Variants in GLI3 observed in about 807,000 individuals in gnomAD.
GLI3 encodes the protein transcription activator GLI3.
In GLI3, 20 loss-of-function variants were observed where a neutral mutation model predicts 100.8. That is an observed-to-expected ratio of 0.20 (90% CI 0.14 to 0.29). The LOEUF is 0.29. Among genes scored for constraint, GLI3 ranks in the 10% least tolerant of loss-of-function variants. The pLI is 1.00. For missense variants in GLI3, 2,040 were observed against 2,128.5 expected, an observed-to-expected ratio of 0.96 and a Z score of 0.82; for synonymous variants, 938 against 860.5, an observed-to-expected ratio of 1.09 and a Z score of -1.58.
intron 1 of GLI3, among the ~76,000 whole-genome samples, chr7:42,259,896 A>G (rs1789121991): frequency 6.6e-6 from 1 of 152,184 alleles, no homozygotes; most frequent in Admixed American, 6.5e-5. Flanking sequence ...TCTTCTACTC[A>G]TTGCATTGTT....
intron 1 of GLI3, among the ~76,000 whole-genome samples, chr7:42,253,910 GA>G (rs1392630896): frequency 6.6e-6 from 1 of 152,142 alleles, no homozygotes; most frequent in Non-Finnish European, 1.5e-5. Flanking sequence ...GCGAGTCACT[GA>G]AATGTAGTTG....
intron 3 of GLI3, among the ~76,000 whole-genome samples, chr7:42,077,370 C>CTTTTT (rs1554323165): frequency 2.3e-4 from 25 of 110,268 alleles, no homozygotes; most frequent in African/African-American, 7.8e-4. Context: ...GCATGTGCTT[C>CTTTTT]TTTTTTTTTT....
At chr7:42,004,314 T>C (rs1158441437) in intron 10 of GLI3, among the ~76,000 whole-genome samples, 2 of 152,214 alleles carry the variant, frequency 1.3e-5, no homozygotes, top group African/African-American at 4.8e-5. Context: ...ATATTTTAGA[T>C]AAATATGTAT....
chr7:42,197,084 C>T (rs1298197931), intron 2 of GLI3, among the ~76,000 whole-genome samples: 1 of 152,194 alleles, frequency 6.6e-6, no homozygotes, highest in Non-Finnish European at 1.5e-5. Context: ...GCCCCTGATA[C>T]TTAGGGCAGG....
chr7:42,123,222 T>C (rs1786044844), intron 3 of GLI3, among the ~76,000 whole-genome samples: 1 of 152,188 alleles, frequency 6.6e-6, no homozygotes, highest in Non-Finnish European at 1.5e-5. Flanking sequence ...TATTTTCACA[T>C]TTCCGGAGAG....
intron 3 of GLI3, among the ~76,000 whole-genome samples, chr7:42,112,714 G>A (rs980451980): frequency 3.3e-5 from 5 of 152,068 alleles, no homozygotes; most frequent in African/African-American, 1.2e-4. Flanking sequence ...GACATTTACT[G>A]AATGTCAGAA....
At position 42,023,620 on chromosome 7, in the gene GLI3, G is replaced by C; in HGVS notation, c.1357-12C>G. On this transcript the variant is annotated splice_polypyrimidine_tract_variant and intron_variant, in intron 9 of 14. Coordinates refer to ENST00000395925, the MANE Select transcript of GLI3 (RefSeq NM_000168.6). ...CCTTCGGGCTGTTCCTGAAAGAAGAGGGTGGGGGGCAGGGAACAGAGAAGG... is the reference window on the plus strand; with the variant it reads ...CCTTCGGGCTGTTCCTGAAAGAAGACGGTGGGGGGCAGGGAACAGAGAAGG... 1.9e-6 allele frequency: 3 copies of C among 1,603,780 alleles called. No individual in the cohort carries two copies. Among genetic ancestry groups the C allele is most frequent in the Non-Finnish European group, 2.6e-6 (3 of 1,170,644 alleles).
chr7:41,976,157 T>A (rs2128711636), intron 12 of GLI3, among the ~76,000 whole-genome samples: 1 of 152,308 alleles, frequency 6.6e-6, no homozygotes, highest in Non-Finnish European at 1.5e-5. Flanking sequence ...TATGTATCTA[T>A]CTATTCTAGA....
chr7:42,051,634 T>C (rs1784354797), intron 4 of GLI3, among the ~76,000 whole-genome samples: 1 of 152,168 alleles, frequency 6.6e-6, no homozygotes, highest in Admixed American at 6.5e-5. Flanking sequence ...TGCAACATAC[T>C]GTGTGATTTC....
At chr7:42,000,114 C>T (rs1393027509) in intron 10 of GLI3, among the ~76,000 whole-genome samples, 2 of 152,196 alleles carry the variant, frequency 1.3e-5, no homozygotes, top group South Asian at 2.1e-4. Context: ...ACACAGGAAG[C>T]ACGGCGGGAA....
chr7:42,251,384 G>A (rs750412013), intron 1 of GLI3, among the ~76,000 whole-genome samples: 6 of 152,208 alleles, frequency 3.9e-5, no homozygotes. Flanking sequence ...ATCTAATGCT[G>A]CTGCTGATCT....
intron 4 of GLI3, among the ~76,000 whole-genome samples, chr7:42,058,259 A>G (rs1252929762): frequency 6.6e-6 from 1 of 152,158 alleles, no homozygotes; most frequent in Non-Finnish European, 1.5e-5. Context: ...GTGGGTGGAG[A>G]GTATGGAAGA....
rs1283520514 is a variant in GLI3 at position 42,129,057 on chromosome 7, G to A, written c.367+19169C>T. 2.0e-5 allele frequency among the ~76,000 whole-genome samples: 3 copies of A among 152,180 alleles called. No individual in the cohort carries two copies. The East Asian group carries it at 5.8e-4, about 29-fold the overall frequency. On this transcript the variant is annotated intron_variant, in intron 3 of 14. Coordinates refer to ENST00000395925, the MANE Select transcript of GLI3 (RefSeq NM_000168.6). ...CTCACCTGTCCCTCCAAAGACTTCT[G>A]TGAAATGAAAAACTGGAAGTAAGTT...
intron 2 of GLI3, among the ~76,000 whole-genome samples, chr7:42,170,269 TA>T (rs1562769839): frequency 0.035 from 1,168 of 33,190 alleles, 10 homozygotes; most frequent in Middle Eastern, 0.12. Flanking sequence ...AAAAAAATTA[TA>T]TATATATATA....
intron 3 of GLI3, among the ~76,000 whole-genome samples, chr7:42,136,869 C>T (rs893499293): frequency 1.3e-5 from 2 of 152,214 alleles, no homozygotes; most frequent in African/African-American, 4.8e-5. Context: ...CAAGCACTCC[C>T]CAGCTGGGCT....
At chr7:42,206,807 C>T (rs756171394) in intron 2 of GLI3, among the ~76,000 whole-genome samples, 8 of 151,942 alleles carry the variant, frequency 5.3e-5, no homozygotes, top group Non-Finnish European at 1.2e-4. Context: ...AGGCAGTAAC[C>T]AATGCAGGTA....
At chr7:42,104,850 C>T (rs1583560971) in intron 3 of GLI3, among the ~76,000 whole-genome samples, 1 of 152,192 alleles carries the variant, frequency 6.6e-6, no homozygotes, top group African/African-American at 2.4e-5. Context: ...AGAAGGCCAT[C>T]TATGAACCAG....
chr7:42,045,237 G>C, intron 6 of GLI3, 147 bp downstream of exon 6: 1 of 839,524 alleles, frequency 1.2e-6, no homozygotes, highest in South Asian at 1.3e-5. Flanking sequence ...GAAAACGAAG[G>C]GAACCAGAGC....
At chr7:42,211,335 T>C (rs1013364542) in intron 2 of GLI3, among the ~76,000 whole-genome samples, 3 of 152,222 alleles carry the variant, frequency 2.0e-5, no homozygotes, top group Admixed American at 1.3e-4. Flanking sequence ...TAAAACATTG[T>C]TAGCCTACAC....
Sources: allele counts gnomAD v4.1 joint callset (sites outside exome capture counted in the v4.1 genomes callset), GRCh38; gene constraint gnomAD v4.1.1; transcripts MANE v1.5; gene names NCBI Gene and HGNC (gene_info 2026-07-23, HGNC 2026-07-21).